Variants in ANXA2 observed in about 807,000 individuals in gnomAD.
The protein encoded by ANXA2 is annexin A2, also known as annexin II.
In ANXA2, 28 loss-of-function variants were observed where a neutral mutation model predicts 47.3. The ratio of observed to expected loss-of-function variants is 0.59; its 90% CI spans 0.44 to 0.81. The LOEUF (loss-of-function observed/expected upper bound fraction) is 0.81, where lower values mean the gene tolerates loss of function less well. Ranked by LOEUF, ANXA2 falls within the 40% of genes least tolerant of loss-of-function variation. The pLI is 0.00. For missense variants in ANXA2, 384 were observed against 414.3 expected, an observed-to-expected ratio of 0.93 and a Z score of 0.64; for synonymous variants, 172 against 155.5, an observed-to-expected ratio of 1.11 and a Z score of -0.79.
intron 3 of ANXA2, among the ~76,000 whole-genome samples, chr15:60,375,301 G>A (rs1275076706): frequency 6.6e-6 from 1 of 152,094 alleles, no homozygotes; most frequent in Non-Finnish European, 1.5e-5. Context: ...AATCAAAACT[G>A]GCAATAATAA....
At chr15:60,349,692 T>C (rs1292540356) in intron 11 of ANXA2, among the ~76,000 whole-genome samples, 1 of 137,278 alleles carries the variant, frequency 7.3e-6, no homozygotes, top group Non-Finnish European at 1.6e-5. Flanking sequence ...CCCAAAAACC[T>C]ATAAGAAAGG....
At chr15:60,353,211 T>C (rs1162750768) in intron 8 of ANXA2, among the ~76,000 whole-genome samples, 2 of 152,242 alleles carry the variant, frequency 1.3e-5, no homozygotes, top group African/African-American at 4.8e-5. Context: ...ATAATCGTTG[T>C]CCCTCTGAGT....
chr15:60,357,913 A>T (rs1161150707), intron 5 of ANXA2, among the ~76,000 whole-genome samples: 1 of 152,130 alleles, frequency 6.6e-6, no homozygotes, highest in East Asian at 1.9e-4. Flanking sequence ...ATTATTTTTC[A>T]CTTTCTACAA....
In ANXA2 at chr15:60,361,778, C is replaced by T. The variant is rs2062517940; in HGVS notation, c.244-724G>A. 5.3e-5 allele frequency among the ~76,000 whole-genome samples: 8 copies of T among 152,128 alleles called. No individual in the cohort carries two copies. The South Asian group carries it at 1.7e-3, about 32-fold the overall frequency. ...CACAAAAATTTGTCAGAGGTCTGGT[C>T]AGCACCCATGTATGTAGACAGACAC... On this transcript the variant is annotated intron_variant, in intron 4 of 12. Transcript: ENST00000451270.
rs990829513 is a variant in ANXA2 at position 60,347,259 on chromosome 15, G to C, written c.*371C>G. Reference sequence around the variant, plus strand: ...CCAGAGCTTTCTTCCTACAGGGACAGCCTCACCAGCTGAACCCCAAGCACG... The same window carrying C: ...CCAGAGCTTTCTTCCTACAGGGACACCCTCACCAGCTGAACCCCAAGCACG... On this transcript the variant is annotated 3_prime_UTR_variant, in exon 13 of 13. Coordinates refer to ENST00000451270, the MANE Select transcript of ANXA2 (RefSeq NM_004039.3). 12 of 264,686 alleles carry C rather than the reference G, an allele frequency of 4.5e-5. No individual in the cohort carries two copies. The East Asian group carries it at 1.1e-3, about 24-fold the overall frequency. The allele number at this position is 264,686 out of a possible 1,614,324, so 16.4% of individuals were successfully genotyped here.
At chr15:60,397,772 C>A (rs2063101412) in intron 1 of ANXA2, 171 bp downstream of exon 1, 1 of 1,092,336 alleles carries the variant, frequency 9.2e-7, no homozygotes. Context: ...TGTCCCTGAG[C>A]CCCCTCCCCA....
At chr15:60,376,183 G>T (rs2062774815) in intron 3 of ANXA2, among the ~76,000 whole-genome samples, 1 of 152,056 alleles carries the variant, frequency 6.6e-6, no homozygotes, top group Non-Finnish European at 1.5e-5. Flanking sequence ...CTCAAGACCA[G>T]CCTGACCAAC....
At chr15:60,368,789 C>T (rs978360508) in intron 3 of ANXA2, among the ~76,000 whole-genome samples, 2 of 152,104 alleles carry the variant, frequency 1.3e-5, no homozygotes, top group Non-Finnish European at 2.9e-5. Flanking sequence ...GAGTGGCAGG[C>T]AGTCATTGCT....
intron 11 of ANXA2, among the ~76,000 whole-genome samples, chr15:60,349,558 T>G (rs1895893359): frequency 6.6e-6 from 1 of 152,126 alleles, no homozygotes; most frequent in Admixed American, 6.5e-5. Context: ...AAAACATTCC[T>G]GGTCCCAAGC....
chr15:60,373,944 ACT>A (rs944244826), intron 3 of ANXA2, among the ~76,000 whole-genome samples: 3 of 152,012 alleles, frequency 2.0e-5, no homozygotes, highest in Non-Finnish European at 2.9e-5. Flanking sequence ...TACATGACAA[ACT>A]CTGGCAGCTG....
intron 1 of ANXA2, among the ~76,000 whole-genome samples, chr15:60,389,130 C>T (rs2062973949): frequency 6.6e-6 from 1 of 152,204 alleles, no homozygotes; most frequent in African/African-American, 2.4e-5. Context: ...TCAGTCAGAA[C>T]TGGACCAGGT....
At chr15:60,385,979 G>C in intron 2 of ANXA2, 49 bp downstream of exon 2, 1 of 1,264,812 alleles carries the variant, frequency 7.9e-7, no homozygotes, top group Non-Finnish European at 1.1e-6. Context: ...GTTATCCAGA[G>C]AGATGTCCAA....
intron 3 of ANXA2, among the ~76,000 whole-genome samples, chr15:60,375,689 C>CATAA (rs1288077517): frequency 6.6e-6 from 1 of 152,226 alleles, no homozygotes; most frequent in Non-Finnish European, 1.5e-5. Flanking sequence ...ACGGAGCATA[C>CATAA]ATAAAACAAT....
At chr15:60,390,520 G>A (rs1595710427) in intron 1 of ANXA2, 1 of 485,868 alleles carries the variant, frequency 2.1e-6, no homozygotes, top group East Asian at 5.9e-5. Context: ...GGTAGACTAA[G>A]GCAATTTTCT....
At chr15:60,379,222 G>A (rs943005155) in intron 3 of ANXA2, among the ~76,000 whole-genome samples, 3 of 152,008 alleles carry the variant, frequency 2.0e-5, no homozygotes, top group African/African-American at 7.3e-5. Flanking sequence ...AGGTTGCAGT[G>A]AGCCAAGATC....
Position 60,357,224 on chromosome 15 carries a change from C to A in ANXA2, c.370G>T (p.Asp124Tyr), listed in dbSNP as rs753106303. Residue 124 changes from aspartate to tyrosine, a missense_variant, in exon 6 of 13, where the codon GAC (aspartate) becomes TAC (tyrosine). Physicochemically the swap from Asp to Tyr is radical, Grantham distance 160 (BLOSUM62 -3). Transcript: ENST00000451270. ...LKASMKGLGT[D>Y]EDSLIEIICS... ...ATGATCTCAATGAGAGAGTCCTCGT[C>A]GGTTCCCAGCCCCTGTGAACCAGGA... 1.1e-5 allele frequency: 18 copies of A among 1,614,054 alleles called. No individual in the cohort carries two copies. In the South Asian group the frequency reaches 1.9e-4, roughly 17 times the overall value.
At chr15:60,375,802 C>A (rs960162830) in intron 3 of ANXA2, among the ~76,000 whole-genome samples, 5 of 152,178 alleles carry the variant, frequency 3.3e-5, no homozygotes, top group Admixed American at 1.3e-4. Flanking sequence ...GCTTCTCCCC[C>A]CTTCTCATAA....
At position 60,347,456 on chromosome 15, in the gene ANXA2, G is replaced by T. The variant is rs1483427704; in HGVS notation, c.*174C>A. ...GTTCATTTCTTTGGCTTACAGGAGA[G>T]ACTAGACAGGAAGGCCAGGCAATGC... On this transcript the variant is annotated 3_prime_UTR_variant, in exon 13 of 13. Coordinates refer to ENST00000451270, the MANE Select transcript of ANXA2 (RefSeq NM_004039.3). 4.8e-6 allele frequency: 3 copies of T among 629,962 alleles called. No homozygotes were observed. Among genetic ancestry groups the T allele is most frequent in the Non-Finnish European group, 8.4e-6 (3 of 356,034 alleles). The allele number at this position is 629,962 out of a possible 1,614,324, so 39.0% of individuals were successfully genotyped here.
rs569889303 is a variant in ANXA2, at chr15:60,348,677, G to A, written c.960+398C>T. Among the ~76,000 whole-genome samples, 19 of 151,752 alleles carry A rather than the reference G, an allele frequency of 1.3e-4. No individual in the cohort carries two copies. In the East Asian group the frequency reaches 2.9e-3, roughly 23 times the overall value. On this transcript the variant is annotated intron_variant, in intron 12 of 12. Coordinates refer to ENST00000451270, the MANE Select transcript of ANXA2 (RefSeq NM_004039.3). ...GGAAAATGGTGTGAACCCAGAAGTC[G>A]GAGGTTGCAGTGAGCCGAGATTGTG...
Sources: allele counts gnomAD v4.1 joint callset (sites outside exome capture counted in the v4.1 genomes callset), GRCh38; gene constraint gnomAD v4.1.1; transcripts MANE v1.5; gene names NCBI Gene and HGNC (gene_info 2026-07-23, HGNC 2026-07-21).